BICC1: variants seen among roughly 807,000 people sequenced by gnomAD.
The protein encoded by BICC1 is protein bicaudal C homolog 1.
Under a neutral mutation model 111.0 loss-of-function variants are expected in BICC1, and 43 were observed. That is an observed-to-expected ratio of 0.39 (90% CI 0.30 to 0.50). The LOEUF is 0.50. Among genes scored for constraint, BICC1 ranks in the 20% least tolerant of loss-of-function variants. BICC1 has a pLI of 0.88. For synonymous variants in BICC1, 467 were observed against 434.4 expected, an observed-to-expected ratio of 1.07 and a Z score of -0.93; for missense variants, 1,091 against 1,203.2, an observed-to-expected ratio of 0.91 and a Z score of 1.38.
intron 15 of BICC1, among the ~76,000 whole-genome samples, chr10:58,805,543 A>G (rs540085798): frequency 6.6e-6 from 1 of 152,378 alleles, no homozygotes; most frequent in Admixed American, 6.5e-5. Context: ...CAAAAATATT[A>G]TCTAAAAATC....
intron 3 of BICC1, among the ~76,000 whole-genome samples, chr10:58,778,487 GAGAAA>G (rs1842804619): frequency 6.6e-6 from 1 of 152,118 alleles, no homozygotes; most frequent in South Asian, 2.1e-4. Context: ...AAGTAAGCTA[GAGAAA>G]AGAAATTTTA....
At position 58,573,887 on chromosome 10, in the gene BICC1, G is replaced by A. The variant is rs944838053; in HGVS notation, c.191-46968G>A. On this transcript the variant is annotated intron_variant, in intron 1 of 20. Transcript: ENST00000373886. ...TGGACATTTTTGGTTTGTAGACCCTGTTTAGTTAAAGGCAGGAGTACCCTA... is the reference window on the plus strand; with the variant it reads ...TGGACATTTTTGGTTTGTAGACCCTATTTAGTTAAAGGCAGGAGTACCCTA... Among the ~76,000 whole-genome samples the A allele has an allele frequency of 4.6e-5, 7 of 152,236 alleles. No homozygotes were observed. The Middle Eastern group carries it at 0.01, about 222-fold the overall frequency.
Position 58,742,699 on chromosome 10 carries a change from A to G in BICC1, c.307+40556A>G, listed in dbSNP as rs189734785. Among the ~76,000 whole-genome samples, 11 of 152,114 alleles carry G rather than the reference A, an allele frequency of 7.2e-5. No individual in the cohort carries two copies. The East Asian group carries it at 1.5e-3, about 21-fold the overall frequency. On this transcript the variant is annotated intron_variant, in intron 3 of 20. Transcript: ENST00000373886. ...GTGATCTGCCCACCTCAGCCTCCCA[A>G]AGTGCTGGGATTACAGGAGTGAGCC...
intron 4 of BICC1, among the ~76,000 whole-genome samples, chr10:58,786,148 G>C (rs1274850981): frequency 1.3e-5 from 2 of 152,118 alleles, no homozygotes; most frequent in Admixed American, 1.3e-4. Flanking sequence ...ACTTTTTAAA[G>C]ACTGAATAAT....
At chr10:58,732,373 G>A (rs9416732) in intron 3 of BICC1, among the ~76,000 whole-genome samples, 2,002 of 4,506 alleles carry the variant, frequency 0.44, 300 homozygotes, top group Middle Eastern at 1. Context: ...GTGTGTGTGT[G>A]TGTATGTATA....
At chr10:58,674,105 G>T (rs1350933255) in intron 2 of BICC1, among the ~76,000 whole-genome samples, 5 of 152,192 alleles carry the variant, frequency 3.3e-5, no homozygotes, top group African/African-American at 1.2e-4. Flanking sequence ...TACCAATTTG[G>T]TTTTGTAGCT....
At chr10:58,629,164 C>T (rs1211865888) in intron 2 of BICC1, among the ~76,000 whole-genome samples, 1 of 152,174 alleles carries the variant, frequency 6.6e-6, no homozygotes, top group African/African-American at 2.4e-5. Context: ...GGGTGTAGTG[C>T]CTTTTAATCT....
rs569131564 is a variant in BICC1 at position 58,798,515 on chromosome 10, C to T, written c.1483C>T (p.Pro495Ser). Residue 495 changes from proline (P) to serine (S), a missense_variant, in exon 11 of 21, where the codon CCC becomes TCC. Coordinates refer to ENST00000373886, the MANE Select transcript of BICC1 (RefSeq NM_001080512.3). The stretch of plus-strand genomic sequence containing the variant: ...AAGTCCAAGTTCTGGTACACCCAGC[C>T]CCACATTATGGGCACCCCCACTTGC... The part of the protein sequence containing the change: ...LQSPSSGTPS[P>S]TLWAPPLANT... 1.9e-6 allele frequency: 3 copies of T among 1,612,302 alleles called. No homozygotes were observed. The highest frequency in any genetic ancestry group is 3.4e-5 in the Admixed American group (2 of 59,668).
Position 58,789,805 on chromosome 10 carries a change from A to G in BICC1, c.919A>G (p.Ile307Val), listed in dbSNP as rs1482665365. The G allele has an allele frequency of 1.2e-6, 2 of 1,614,056 alleles. No individual in the cohort carries two copies. The highest frequency in any genetic ancestry group is 4.5e-5 in the East Asian group (2 of 44,886). The part of the protein sequence containing the change: ...LFMMGRNGSN[I>V]KHIMQRTGAQ... ...TATGATGGGTCGAAATGGGAGCAAC[A>G]TCAAACATATCATGCAGAGAACAGG... The change falls in exon 8 of 21, where the codon ATC (isoleucine) becomes GTC (valine). Residue 307 changes from isoleucine to valine, a missense_variant. This residue lies in a region of BICC1 where 843 missense variants were observed against 900.8 expected (regional missense o/e 0.94). Transcript: ENST00000373886.
chr10:58,772,444 C>A (rs369392687), intron 3 of BICC1, among the ~76,000 whole-genome samples: 1 of 152,042 alleles, frequency 6.6e-6, no homozygotes, highest in Non-Finnish European at 1.5e-5. Context: ...TTAGCATTCA[C>A]GTTTTAAATA....
chr10:58,759,006 C>CTGGA (rs1842227296), intron 3 of BICC1, among the ~76,000 whole-genome samples: 1 of 151,692 alleles, frequency 6.6e-6, no homozygotes, highest in Non-Finnish European at 1.5e-5. Flanking sequence ...GTCACTCAGG[C>CTGGA]TGGAGTGCAG....
chr10:58,823,285 T>G lies in BICC1; in HGVS notation c.2794+2817T>G, dbSNP rs894872658. The G allele has an allele frequency of 9.1e-6, 9 of 985,142 alleles. No individual in the cohort carries two copies. In the African/African-American group the frequency reaches 1.6e-4, roughly 17 times the overall value. 61.0% of individuals were successfully genotyped at this position (985,142 alleles called of 1,614,324 possible). On this transcript the variant is annotated intron_variant, in intron 20 of 20. Transcript: ENST00000373886. ...GAGAGCTGCCAGGATTGTGTGAACC[T>G]TGGAATTTCAAAGAAAAAGGTTGGT...
In BICC1 at chr10:58,516,809, C is replaced by CA. The variant is rs537492906; in HGVS notation, c.190+3479dup. ...CAATTAAATTTTAGTTAAATTAACTCAAAGTTATAAGTTACATATCATAAC... is the reference window on the plus strand; with the variant it reads ...CAATTAAATTTTAGTTAAATTAACTCAAAAGTTATAAGTTACATATCATAAC... On this transcript the variant is annotated intron_variant, in intron 1 of 20. Transcript: ENST00000373886. 1.4e-4 allele frequency among the ~76,000 whole-genome samples: 22 copies of CA among 151,978 alleles called. No individual in the cohort carries two copies. The South Asian group carries it at 2.3e-3, about 16-fold the overall frequency.
At chr10:58,554,745 A>C (rs1843396191) in intron 1 of BICC1, among the ~76,000 whole-genome samples, 3 of 151,640 alleles carry the variant, frequency 2.0e-5, no homozygotes, top group Non-Finnish European at 4.4e-5. Context: ...TGTGATATCA[A>C]TGTTGGTTTA....
intron 1 of BICC1, among the ~76,000 whole-genome samples, chr10:58,565,552 GC>G (rs575494090): frequency 2.0e-5 from 3 of 151,978 alleles, no homozygotes; most frequent in East Asian, 1.9e-4. Flanking sequence ...GTCTCCCCTT[GC>G]CCCCCCGATG....
chr10:58,563,151 G>C (rs1430574193), intron 1 of BICC1, among the ~76,000 whole-genome samples: 2 of 152,114 alleles, frequency 1.3e-5, no homozygotes, highest in Non-Finnish European at 2.9e-5. Flanking sequence ...AGATAGTGGA[G>C]GGGTCACAGG....
intron 2 of BICC1, among the ~76,000 whole-genome samples, chr10:58,641,008 C>A (rs1838105789): frequency 6.6e-6 from 1 of 152,108 alleles, no homozygotes; most frequent in African/African-American, 2.4e-5. Flanking sequence ...AATTCTTGCC[C>A]ATTGAGGATA....
At chr10:58,773,721 G>T (rs370350442) in intron 3 of BICC1, among the ~76,000 whole-genome samples, 1 of 152,208 alleles carries the variant, frequency 6.6e-6, no homozygotes, top group Non-Finnish European at 1.5e-5. Context: ...GCATAACCAG[G>T]TACCGTTCTC....
intron 1 of BICC1, among the ~76,000 whole-genome samples, chr10:58,538,327 A>C (rs2131875588): frequency 6.6e-6 from 1 of 152,034 alleles, no homozygotes; most frequent in Non-Finnish European, 1.5e-5. Context: ...CCGAATACTT[A>C]CAACCAACTG....
Sources: gnomAD v4.1 joint callset for allele counts (sites outside exome capture counted in the v4.1 genomes callset) on GRCh38, gnomAD v4.1.1 for gene constraint, gnomAD v4.1.1 regional missense constraint, MANE v1.5 for transcripts, NCBI Gene and HGNC (gene_info 2026-07-23, HGNC 2026-07-21) for gene names.